Variants in WASHC5 observed in about 807,000 individuals in gnomAD.
WASHC5 encodes WASH complex subunit strumpellin.
A neutral mutation model predicts 150.4 loss-of-function variants in WASHC5; 101 were observed. The ratio of observed to expected loss-of-function variants is 0.67; its 90% CI spans 0.57 to 0.79. The LOEUF is 0.79. WASHC5 is among the 30% of genes least tolerant of loss of function. WASHC5 has a pLI of 0.00. For synonymous variants in WASHC5, 467 were observed against 491.2 expected, an observed-to-expected ratio of 0.95 and a Z score of 0.65; for missense variants, 1,195 against 1,396.3, an observed-to-expected ratio of 0.86 and a Z score of 2.30.
chr8:125,052,519 T>C (rs1180725760), intron 17 of WASHC5, among the ~76,000 whole-genome samples: 2 of 152,074 alleles, frequency 1.3e-5, no homozygotes, highest in Non-Finnish European at 2.9e-5. Flanking sequence ...TGGGATCATA[T>C]ACATGTATAT....
At chr8:125,078,647 G>C in intron 6 of WASHC5, 91 bp downstream of exon 6, 1 of 1,069,194 alleles carries the variant, frequency 9.4e-7, no homozygotes, top group East Asian at 2.4e-5. Flanking sequence ...TTACTCTTTT[G>C]GGAAAGAAGG....
chr8:125,054,127 A>G (rs931499677), intron 17 of WASHC5, among the ~76,000 whole-genome samples: 1 of 152,208 alleles, frequency 6.6e-6, no homozygotes, highest in Non-Finnish European at 1.5e-5. Flanking sequence ...GAGTGGGGAT[A>G]TGCTCAGAGA....
intron 26 of WASHC5, among the ~76,000 whole-genome samples, chr8:125,036,978 G>A (rs1455403367): frequency 6.6e-6 from 1 of 152,000 alleles, no homozygotes; most frequent in Non-Finnish European, 1.5e-5. Flanking sequence ...ACGCCATCGC[G>A]CTCCAGCCTG....
chr8:125,076,335 T>C lies in WASHC5; in HGVS notation c.864+13A>G. 1 of 1,613,258 alleles carries C rather than the reference T, an allele frequency of 6.2e-7. No individual in the cohort carries two copies. Among genetic ancestry groups the C allele is most frequent in the Non-Finnish European group, 8.5e-7 (1 of 1,179,336 alleles). ...CACATTTACTGTAGAGGAAAAAAAT[T>C]AGCAATACTTGCCCAATTATCTGGA... On this transcript the variant is annotated intron_variant, in intron 7 of 28. Transcript: ENST00000318410.
At chr8:125,059,081 T>A in intron 14 of WASHC5, 141 bp downstream of exon 14, 1 of 698,782 alleles carries the variant, frequency 1.4e-6, no homozygotes, top group Non-Finnish European at 2.6e-6. Context: ...GTGGAAAAAC[T>A]GCTAACAATT....
At position 125,067,544 on chromosome 8, in the gene WASHC5, A is replaced by G. The variant is rs747345234; in HGVS notation, c.1278+48T>C. On this transcript the variant is annotated intron_variant, in intron 10 of 28. Coordinates refer to ENST00000318410, the MANE Select transcript of WASHC5 (RefSeq NM_014846.4). ...GTCTTTTTTTTAAAAAATATTTTTA[A>G]GCATAAAAAAGCTAAGACTGTGGTG... 8 of 1,481,020 alleles carry G rather than the reference A, an allele frequency of 5.4e-6. No homozygotes were observed. In the African/African-American group the frequency reaches 1.1e-4, roughly 21 times the overall value. 91.7% of individuals were successfully genotyped at this position (1,481,020 alleles called of 1,614,324 possible). A position where few individuals can be genotyped will look rare whatever the true frequency, so the allele number is the denominator to read the frequency against.
At position 125,067,620 on chromosome 8, in the gene WASHC5, G is replaced by A; in HGVS notation, c.1250C>T (p.Thr417Ile). ...TTTGAGTATAAACTCAAATTGTGCA[G>A]TATCTAACAGCAGCTGGAAGAGGAT... ...PRILFQLLLD[T>I]AQFEFILKEM... is the part of the protein sequence containing the mutation. The change falls in exon 10 of 29, where the codon ACT becomes ATT. Residue 417 changes from threonine to isoleucine, a missense_variant. Physicochemically the swap from Thr to Ile is moderately conservative, Grantham distance 89. Transcript: ENST00000318410. 6.2e-7 allele frequency: 1 copy of A among 1,612,626 alleles called. No individual in the cohort carries two copies. Among genetic ancestry groups the A allele is most frequent in the Non-Finnish European group, 8.5e-7 (1 of 1,178,790 alleles).
At chr8:125,067,226 C>CAGGCTGATCTCGAACTCCTGAA (rs1816766945) in intron 10 of WASHC5, among the ~76,000 whole-genome samples, 1 of 152,150 alleles carries the variant, frequency 6.6e-6, no homozygotes, top group Non-Finnish European at 1.5e-5. Context: ...GCCTGCTGGC[C>CAGGCTGATCTCGAACTCCTGAA]AGGCTGATCT....
chr8:125,085,097 G>A (rs761841246), intron 1 of WASHC5, among the ~76,000 whole-genome samples: 2 of 152,194 alleles, frequency 1.3e-5, no homozygotes, highest in African/African-American at 2.4e-5. Flanking sequence ...TACAAGAGGT[G>A]ATGTCTGTCC....
At chr8:125,085,956 T>C (rs781324795) in intron 1 of WASHC5, among the ~76,000 whole-genome samples, 18 of 152,160 alleles carry the variant, frequency 1.2e-4, no homozygotes, top group Non-Finnish European at 1.9e-4. Flanking sequence ...TCATTTTTCT[T>C]AGTTCTAGGG....
At chr8:125,086,676 G>A (rs148008973) in intron 1 of WASHC5, among the ~76,000 whole-genome samples, 1 of 152,316 alleles carries the variant, frequency 6.6e-6, no homozygotes, top group African/African-American at 2.4e-5. Flanking sequence ...AAAGAATACT[G>A]TAGAATTAAC....
chr8:125,056,561 C>A (rs1816411799), intron 16 of WASHC5, 116 bp downstream of exon 16: 2 of 1,192,252 alleles, frequency 1.7e-6, no homozygotes, highest in South Asian at 2.4e-5. Flanking sequence ...AAATGTGAGA[C>A]AACAAGTCAG....
intron 26 of WASHC5, among the ~76,000 whole-genome samples, chr8:125,034,244 A>G (rs896179282): frequency 6.6e-6 from 1 of 152,146 alleles, no homozygotes; most frequent in Admixed American, 6.5e-5. Context: ...TTATGCCTGT[A>G]ATCTTGGCAC....
At chr8:125,044,152 CTCCAGTT>C in intron 21 of WASHC5, 58 bp from the exon 22 acceptor site, 1 of 1,120,204 alleles carries the variant, frequency 8.9e-7, no homozygotes, top group Admixed American at 1.8e-5. Context: ...CAAGCAAATT[CTCCAGTT>C]ACCTAAAATG....
intron 11 of WASHC5, among the ~76,000 whole-genome samples, chr8:125,062,677 A>C (rs536851100): frequency 4.4e-4 from 67 of 152,352 alleles, no homozygotes; most frequent in African/African-American, 1.5e-3. Context: ...CAAAGAAATA[A>C]ACAAAAGCTA....
chr8:125,082,294 T>A (rs1337339039), intron 4 of WASHC5, 89 bp downstream of exon 4: 6 of 771,606 alleles, frequency 7.8e-6, no homozygotes, highest in Non-Finnish European at 1.4e-5. Context: ...AAGAATGGTA[T>A]TTCGTATATA....
At chr8:125,048,387 C>T (rs1816138406) in intron 19 of WASHC5, among the ~76,000 whole-genome samples, 1 of 152,064 alleles carries the variant, frequency 6.6e-6, no homozygotes, top group African/African-American at 2.4e-5. Flanking sequence ...AAGAAATAGG[C>T]AAAGGACTTT....
Position 125,024,678 on chromosome 8 carries a change from AAAATT to A in WASHC5, c.3424-10_3424-6del, listed in dbSNP as rs1348284346. On this transcript the variant is annotated splice_polypyrimidine_tract_variant and splice_region_variant and intron_variant, in intron 28 of 28. Coordinates refer to ENST00000318410, the MANE Select transcript of WASHC5 (RefSeq NM_014846.4). ...AGGCACATGTGCTTCAGCAACCTGA[AAAATT>A]AAAGAATTAAATTATTCATGGTGTT... 11 of 1,591,534 alleles carry A rather than the reference AAAATT, an allele frequency of 6.9e-6. No homozygotes were observed. The highest frequency in any genetic ancestry group is 2.7e-5 in the African/African-American group (2 of 74,504).
intron 10 of WASHC5, 58 bp downstream of exon 10, chr8:125,067,534 A>T (rs1563627704): frequency 6.9e-7 from 1 of 1,446,008 alleles, no homozygotes; most frequent in East Asian, 2.3e-5. Flanking sequence ...TTTTTTAAAA[A>T]ATATTTTTAA....
Sources: allele counts gnomAD v4.1 joint callset (sites outside exome capture counted in the v4.1 genomes callset), GRCh38; gene constraint gnomAD v4.1.1; transcripts MANE v1.5; gene names NCBI Gene and HGNC (gene_info 2026-07-23, HGNC 2026-07-21).